The following POLR2K variants were observed in gnomAD, a reference collection of about 807,000 sequenced individuals.
POLR2K encodes RNA polymerase II, I and III subunit K, also known as DNA-directed RNA polymerases I, II, and III subunit RPABC4.
A neutral mutation model predicts 10.1 loss-of-function variants in POLR2K; 9 were observed. That is an observed-to-expected ratio of 0.89 (90% CI 0.54 to 1.56). The LOEUF (loss-of-function observed/expected upper bound fraction) is 1.56, where lower values mean the gene tolerates loss of function less well. Ranked by LOEUF, POLR2K falls within the 40% of genes most tolerant of loss-of-function variation. POLR2K has a pLI of 0.00. For missense variants in POLR2K, 53 were observed against 71.9 expected, an observed-to-expected ratio of 0.74 and a Z score of 0.95; for synonymous variants, 19 against 20.3, an observed-to-expected ratio of 0.94 and a Z score of 0.17.
rs200886893 is a variant in POLR2K, at chr8:100,151,804, ATTT to A, written c.62-11_62-9del. ...TATTTTCCTCTTAGGCATTGAGTAA[ATTT>A]TTTTTTTTAATTCTAGAGTGTCACA... On this transcript the variant is annotated splice_polypyrimidine_tract_variant and intron_variant, in intron 2 of 3. Coordinates refer to ENST00000353107, the MANE Select transcript of POLR2K (RefSeq NM_005034.4). 2 of 1,042,390 alleles carry A rather than the reference ATTT, an allele frequency of 1.9e-6. No individual in the cohort carries two copies. Among genetic ancestry groups the A allele is most frequent in the Non-Finnish European group, 1.4e-6 (1 of 722,672 alleles). 64.6% of individuals were successfully genotyped at this position (1,042,390 alleles called of 1,614,324 possible).
At position 100,154,000 on chromosome 8, in the gene POLR2K, C is replaced by G. The variant is rs1814953372; in HGVS notation, c.*684C>G. Reference sequence around the variant, plus strand: ...TCTGATTAAATAAATTTATTGCAAACCACTGTCCTGTGTCACTGTGTCATT... The same window carrying G: ...TCTGATTAAATAAATTTATTGCAAAGCACTGTCCTGTGTCACTGTGTCATT... On this transcript the variant is annotated 3_prime_UTR_variant, in exon 4 of 4. Coordinates refer to ENST00000353107, the MANE Select transcript of POLR2K (RefSeq NM_005034.4). The G allele has an allele frequency of 6.6e-6, 1 of 152,148 alleles. No homozygotes were observed. Among genetic ancestry groups the G allele is most frequent in the African/African-American group, 2.4e-5 (1 of 41,432 alleles). The allele number at this position is 152,148 out of a possible 1,614,324, so 9.4% of individuals were successfully genotyped here.
chr8:100,152,405 A>G (rs543340658), intron 3 of POLR2K, among the ~76,000 whole-genome samples: 2 of 152,388 alleles, frequency 1.3e-5, no homozygotes, highest in African/African-American at 4.8e-5. Context: ...TATGTGCTCC[A>G]TCTTTGACCA....
Position 100,151,436 on chromosome 8 carries a change from A to G in POLR2K, c.61+20A>G. 1 of 1,444,014 alleles carries G rather than the reference A, an allele frequency of 6.9e-7. No individual in the cohort carries two copies. Among genetic ancestry groups the G allele is most frequent in the Non-Finnish European group, 9.8e-7 (1 of 1,024,826 alleles). 89.5% of individuals were successfully genotyped at this position (1,444,014 alleles called of 1,614,324 possible). A position where few individuals can be genotyped will look rare whatever the true frequency, so the allele number is the denominator to read the frequency against. ...GTGGAGGTAAGAGTAGCACTTACCTAAAGTAAGAATATTTTATTTAAGTTT... is the reference window on the plus strand; with the variant it reads ...GTGGAGGTAAGAGTAGCACTTACCTGAAGTAAGAATATTTTATTTAAGTTT... On this transcript the variant is annotated intron_variant, in intron 2 of 3. Transcript: ENST00000353107.
At chr8:100,151,310 C>T (rs200818028) in intron 1 of POLR2K, 37 bp from the exon 2 acceptor site, 81 of 1,370,554 alleles carry the variant, frequency 5.9e-5, no homozygotes, top group Non-Finnish European at 7.7e-5. Flanking sequence ...GTGAGAAGCC[C>T]TTTTGAGATA....
chr8:100,151,219 C>T, intron 1 of POLR2K, 128 bp from the exon 2 acceptor site: 1 of 723,300 alleles, frequency 1.4e-6, no homozygotes, highest in Non-Finnish European at 2.5e-6. Context: ...TGAGACCTAA[C>T]CCATAGGATT....
intron 3 of POLR2K, among the ~76,000 whole-genome samples, 173 bp from the exon 4 acceptor site, chr8:100,153,121 A>T (rs1814942389): frequency 1.3e-5 from 2 of 152,232 alleles, no homozygotes; most frequent in Admixed American, 1.3e-4. Flanking sequence ...AAAAATTGAA[A>T]GTGTTTTTAG....
chr8:100,152,727 A>T (rs1814936134), intron 3 of POLR2K, among the ~76,000 whole-genome samples: 1 of 152,090 alleles, frequency 6.6e-6, no homozygotes, highest in Non-Finnish European at 1.5e-5. Context: ...AAATCGACGG[A>T]TTATCCGCTT....
rs202046213 is a variant in POLR2K, at chr8:100,151,354, C to G, written c.-2C>G. ...TTGAGTCTGTGATTTCAGGGGCTAA[C>G]AATGGACACCCAGAAGGACGTTCAA... On this transcript the variant is annotated 5_prime_UTR_variant, in exon 2 of 4. Coordinates refer to ENST00000353107, the MANE Select transcript of POLR2K (RefSeq NM_005034.4). 2.0e-5 allele frequency: 32 copies of G among 1,607,448 alleles called. No homozygotes were observed. The East Asian group carries it at 5.1e-4, about 26-fold the overall frequency.
Position 100,153,483 on chromosome 8 carries a change from C to A in POLR2K, c.*167C>A. On this transcript the variant is annotated 3_prime_UTR_variant, in exon 4 of 4. Coordinates refer to ENST00000353107, the MANE Select transcript of POLR2K (RefSeq NM_005034.4). ...CCTGAAACCTCAAACAGTACCAAAC[C>A]TTTATACACTGTTTTTTCCATATAT... The A allele has an allele frequency of 1.8e-6, 1 of 550,040 alleles. No individual in the cohort carries two copies. The highest frequency in any genetic ancestry group is 3.2e-6 in the Non-Finnish European group (1 of 310,438). The allele number at this position is 550,040 out of a possible 1,614,324, so 34.1% of individuals were successfully genotyped here.
At position 100,153,829 on chromosome 8, in the gene POLR2K, CCATTA is replaced by C. The variant is rs1215381165; in HGVS notation, c.*515_*519del. On this transcript the variant is annotated 3_prime_UTR_variant, in exon 4 of 4. Coordinates refer to ENST00000353107, the MANE Select transcript of POLR2K (RefSeq NM_005034.4). ...ATTTTGTATAAAGCAATTTTTTGTT[CCATTA>C]CGTGACTTTTTGTTTTATTGTATAT... The C allele has an allele frequency of 1.3e-5, 2 of 152,060 alleles. No homozygotes were observed. The highest frequency in any genetic ancestry group is 4.8e-5 in the African/African-American group (2 of 41,406). The allele number at this position is 152,060 out of a possible 1,614,324, so 9.4% of individuals were successfully genotyped here. A position where few individuals can be genotyped will look rare whatever the true frequency, so the allele number is the denominator to read the frequency against.
Position 100,153,363 on chromosome 8 carries a change from C to G in POLR2K, c.*47C>G, listed in dbSNP as rs367643676. The G allele has an allele frequency of 4.6e-4, 709 of 1,549,238 alleles. No homozygotes were observed. Among genetic ancestry groups the G allele is most frequent in the Non-Finnish European group, 5.9e-4 (665 of 1,123,178 alleles). On this transcript the variant is annotated 3_prime_UTR_variant, in exon 4 of 4. Transcript: ENST00000353107. Reference sequence around the variant, plus strand: ...GTCTTCACTTATACTTGGATTTGCTCTCTTCCCATTTCTGATTGTTGTATA... The same window carrying G: ...GTCTTCACTTATACTTGGATTTGCTGTCTTCCCATTTCTGATTGTTGTATA...
In POLR2K at chr8:100,153,405, ACAGTAGT is replaced by A. The variant is rs1814945765; in HGVS notation, c.*90_*96del. ...TGTTGTATAGCTTTCGATTTTGCTT[ACAGTAGT>A]TCCCCCTTATCTTCGGGAGATACAT... On this transcript the variant is annotated 3_prime_UTR_variant, in exon 4 of 4. Transcript: ENST00000353107. 7 of 1,177,224 alleles carry A rather than the reference ACAGTAGT, an allele frequency of 5.9e-6. No homozygotes were observed. The highest frequency in any genetic ancestry group is 1.5e-5 in the African/African-American group (1 of 65,806). The allele number at this position is 1,177,224 out of a possible 1,614,324, so 72.9% of individuals were successfully genotyped here.
chr8:100,151,879 T>C lies in POLR2K; in HGVS notation c.117T>C (p.Cys39=), dbSNP rs776707132. The C allele has an allele frequency of 6.5e-7, 1 of 1,548,306 alleles. No homozygotes were observed. The highest frequency in any genetic ancestry group is 1.1e-5 in the South Asian group (1 of 88,798). Residue 39 remains cysteine (C), a synonymous_variant, in exon 3 of 4, where the codon TGT becomes TGC. Coordinates refer to ENST00000353107, the MANE Select transcript of POLR2K (RefSeq NM_005034.4). ...GGGATCCAATCAGATGCAGAGAATG[T>C]GGATACAGAATAATGTACAAGAAAA... The part of the protein sequence containing the change: ...KSRDPIRCRE[C]GYRIMYKKRT...
intron 3 of POLR2K, among the ~76,000 whole-genome samples, 166 bp from the exon 4 acceptor site, chr8:100,153,128 T>C (rs974177256): frequency 1.8e-4 from 27 of 152,238 alleles, no homozygotes; most frequent in African/African-American, 6.3e-4. Flanking sequence ...GAAAGTGTTT[T>C]TAGTTTATTT....
At chr8:100,152,762 T>G (rs1027384043) in intron 3 of POLR2K, among the ~76,000 whole-genome samples, 3 of 152,124 alleles carry the variant, frequency 2.0e-5, no homozygotes, top group East Asian at 3.8e-4. Context: ...TGTTTTTTTT[T>G]GTTTGTTTTT....
chr8:100,151,242 C>G (rs1303769174), intron 1 of POLR2K, 105 bp from the exon 2 acceptor site: 1 of 798,314 alleles, frequency 1.3e-6, no homozygotes, highest in East Asian at 2.5e-5. Context: ...GGGAAAGGAA[C>G]AGATTAGGAA....
In POLR2K at chr8:100,151,301, T is replaced by A. The variant is rs1216901299; in HGVS notation, c.-9-46T>A. 5 of 1,251,134 alleles carry A rather than the reference T, an allele frequency of 4.0e-6. No homozygotes were observed. The African/African-American group carries it at 7.4e-5, about 18-fold the overall frequency. 77.5% of individuals were successfully genotyped at this position (1,251,134 alleles called of 1,614,324 possible). On this transcript the variant is annotated intron_variant, in intron 1 of 3. Coordinates refer to ENST00000353107, the MANE Select transcript of POLR2K (RefSeq NM_005034.4). ...AGAAAAATGGGCCCGGATGGACTTG[T>A]GAGAAGCCCTTTTGAGATATTCAGT...
intron 3 of POLR2K, 149 bp from the exon 4 acceptor site, chr8:100,153,145 C>T: frequency 1.7e-6 from 1 of 586,388 alleles, no homozygotes; most frequent in Non-Finnish European, 3.0e-6. Context: ...ATTTAAAAAC[C>T]AGTTGTCATA....
At chr8:100,151,066 A>G (rs1055168478) in intron 1 of POLR2K, among the ~76,000 whole-genome samples, 6 of 152,312 alleles carry the variant, frequency 3.9e-5, no homozygotes, top group Non-Finnish European at 8.8e-5. Flanking sequence ...TAACATGTCT[A>G]AGTATCGGTT....
Sources: gnomAD v4.1 joint callset for allele counts (sites outside exome capture counted in the v4.1 genomes callset) on GRCh38, gnomAD v4.1.1 for gene constraint, MANE v1.5 for transcripts, NCBI Gene and HGNC (gene_info 2026-07-23, HGNC 2026-07-21) for gene names.